Variants in ZNF430 observed in about 807,000 individuals in gnomAD.
ZNF430 encodes zinc finger protein 430.
In ZNF430, 35 loss-of-function variants were observed where a neutral mutation model predicts 56.7. The observed-to-expected ratio is 0.62, with a 90% CI of 0.47 to 0.82. The LOEUF is 0.82. Ranked by LOEUF, ZNF430 falls within the 40% of genes least tolerant of loss-of-function variation. The pLI, the probability that ZNF430 is intolerant of heterozygous loss-of-function variation, is 0.00. For missense variants in ZNF430, 574 were observed against 661.0 expected (o/e 0.87, Z 1.44); for synonymous variants, 212 against 224.3 (o/e 0.94, Z 0.49).
At chr19:21,048,637 C>T (rs538841979) in intron 4 of ZNF430, among the ~76,000 whole-genome samples, 9 of 152,190 alleles carry the variant, frequency 5.9e-5, no homozygotes, top group African/African-American at 1.9e-4. Context: ...CCACATTCCC[C>T]CCTTTTCTAT....
rs1004070706 is a variant in ZNF430 at position 21,058,161 on chromosome 19, C to G, written c.*140C>G. The G allele has an allele frequency of 3.5e-6, 3 of 846,520 alleles. No homozygotes were observed. The highest frequency in any genetic ancestry group is 1.7e-5 in the African/African-American group (1 of 58,192). 52.4% of individuals were successfully genotyped at this position (846,520 alleles called of 1,614,324 possible). On this transcript the variant is annotated 3_prime_UTR_variant, in exon 5 of 5. Coordinates refer to ENST00000261560, the MANE Select transcript of ZNF430 (RefSeq NM_025189.4). ...AATTCTTACCAGACATAAGATAATT[C>G]TGGCTGGGTGCGGTGGCTCACACCT...
At chr19:21,048,673 G>A (rs1323624600) in intron 4 of ZNF430, among the ~76,000 whole-genome samples, 6 of 152,058 alleles carry the variant, frequency 3.9e-5, no homozygotes, top group Admixed American at 3.3e-4. Context: ...TCGTCATCAT[G>A]GCCCGTTCTC....
At chr19:21,038,669 T>TC (rs369902930) in intron 4 of ZNF430, among the ~76,000 whole-genome samples, 24 of 152,044 alleles carry the variant, frequency 1.6e-4, no homozygotes, top group South Asian at 4.2e-4. Context: ...GCTCAGGTGA[T>TC]CCCCCACCCT....
intron 2 of ZNF430, among the ~76,000 whole-genome samples, chr19:21,032,140 T>G (rs1480049766): frequency 6.6e-6 from 1 of 151,618 alleles, no homozygotes; most frequent in Non-Finnish European, 1.5e-5. Flanking sequence ...TTTCATCTGT[T>G]TTCTCTATTA....
chr19:21,057,670 G>A lies in ZNF430; in HGVS notation c.1362G>A (p.Glu454=), dbSNP rs1479217093. 1.9e-6 allele frequency: 3 copies of A among 1,611,388 alleles called. No homozygotes were observed. The highest frequency in any genetic ancestry group is 2.2e-5 in the East Asian group (1 of 44,744). Residue 454 remains glutamate, a synonymous_variant, in exon 5 of 5, where the codon GAG becomes GAA. Transcript: ENST00000261560. ...CACATAAGATAATTCATACTGGAGA[G>A]AAACCCTACAAATGTGAAGAATGTG... is the stretch of plus-strand genomic sequence containing the variant. The part of the protein sequence containing the change: ...LTAHKIIHTG[E]KPYKCEECGK...
intron 3 of ZNF430, 49 bp from the exon 4 acceptor site, chr19:21,034,037 G>A (rs1967949602): frequency 1.4e-6 from 2 of 1,433,814 alleles, no homozygotes; most frequent in African/African-American, 1.4e-5. Context: ...GTACTAGGTT[G>A]GTAACTGAAG....
chr19:21,030,232 C>T (rs938828471), intron 2 of ZNF430, among the ~76,000 whole-genome samples: 7 of 152,112 alleles, frequency 4.6e-5, no homozygotes, highest in Non-Finnish European at 1.0e-4. Context: ...CTACATTAAA[C>T]TTTTTCTATG....
At chr19:21,048,439 G>A (rs899031875) in intron 4 of ZNF430, among the ~76,000 whole-genome samples, 5 of 151,646 alleles carry the variant, frequency 3.3e-5, no homozygotes, top group South Asian at 2.1e-4. Context: ...ATCTTGCACC[G>A]CCCTTAATCC....
chr19:21,057,010 A>C lies in ZNF430; in HGVS notation c.702A>C (p.Gln234His). The C allele has an allele frequency of 6.2e-7, 1 of 1,614,048 alleles. No individual in the cohort carries two copies. The highest frequency in any genetic ancestry group is 8.5e-7 in the Non-Finnish European group (1 of 1,179,986). Reference protein sequence around the residue: ...KRIHIRENSYQCEECGKVFNW... With the variant: ...KRIHIRENSYHCEECGKVFNW... ...TTCATATTAGGGAAAATTCTTACCA[A>C]TGTGAAGAATGTGGTAAAGTCTTTA... Residue 234 changes from glutamine to histidine, a missense_variant, in exon 5 of 5, where the codon CAA becomes CAC. Transcript: ENST00000261560.
rs564658317 is a variant in ZNF430 at position 21,022,886 on chromosome 19, C to A, written c.96+5C>A. 2 of 1,605,116 alleles carry A rather than the reference C, an allele frequency of 1.2e-6. No individual in the cohort carries two copies. Among genetic ancestry groups the A allele is most frequent in the South Asian group, 1.1e-5 (1 of 90,894 alleles). ...GTGTACTCTTTTTATGAAAAGGTAA[C>A]CCCTTGAGATGTTAAAATTGTCTTC... is the stretch of plus-strand genomic sequence containing the variant. On this transcript the variant is annotated splice_donor_5th_base_variant and intron_variant, in intron 2 of 4. Transcript: ENST00000261560.
chr19:21,039,447 C>CTATTTATT (rs71174789), intron 4 of ZNF430, among the ~76,000 whole-genome samples: 21,625 of 128,876 alleles, frequency 0.17, 2,030 homozygotes, highest in South Asian at 0.27. Context: ...TTTACTTTTG[C>CTATTTATT]TATTTATTTA....
chr19:21,046,648 G>A (rs909100595), intron 4 of ZNF430, among the ~76,000 whole-genome samples: 1 of 152,160 alleles, frequency 6.6e-6, no homozygotes, highest in African/African-American at 2.4e-5. Flanking sequence ...CTTTAAGAAT[G>A]TTGAGTAGTG....
chr19:21,055,530 C>T (rs1968360109), intron 4 of ZNF430, among the ~76,000 whole-genome samples: 1 of 151,766 alleles, frequency 6.6e-6, no homozygotes, highest in Non-Finnish European at 1.5e-5. Context: ...CTCACTGCAC[C>T]CTCCGCCACC....
At chr19:21,050,719 A>T (rs547225742) in intron 4 of ZNF430, among the ~76,000 whole-genome samples, 1 of 152,192 alleles carries the variant, frequency 6.6e-6, no homozygotes, top group African/African-American at 2.4e-5. Flanking sequence ...AAAATTTATT[A>T]TCAAACATTT....
At chr19:21,025,948 A>T in intron 2 of ZNF430, 3 of 419,812 alleles carry the variant, frequency 7.1e-6, no homozygotes, top group Non-Finnish European at 1.3e-5. Flanking sequence ...CATTGAGAAC[A>T]GAGTGATCCA....
chr19:21,023,403 G>A (rs1413308622), intron 2 of ZNF430, among the ~76,000 whole-genome samples: 1 of 152,076 alleles, frequency 6.6e-6, no homozygotes. Context: ...CTATTAGTAG[G>A]GCTTGAAAGG....
At chr19:21,026,343 C>T (rs1967796218) in intron 2 of ZNF430, among the ~76,000 whole-genome samples, 2 of 152,096 alleles carry the variant, frequency 1.3e-5, no homozygotes, top group Admixed American at 1.3e-4. Flanking sequence ...CGCACGCCAC[C>T]ACGCCTGGCC....
Position 21,058,002 on chromosome 19 carries a change from G to C in ZNF430, c.1694G>C (p.Arg565Thr), listed in dbSNP as rs369894291. 3.7e-6 allele frequency: 6 copies of C among 1,611,816 alleles called. No homozygotes were observed. In the African/African-American group the frequency reaches 8.0e-5, roughly 22 times the overall value. ...NLIEQSNSYW[R>T]ETLQM ...ATTGAACAAAGTAATTCATACTGGA[G>C]AGAAACCCTACAAATGTGAAGATTG... The change falls in exon 5 of 5, where the codon AGA (arginine) becomes ACA (threonine). Residue 565 changes from arginine to threonine, a missense_variant. By Grantham distance (71) the Arg-to-Thr change is moderately conservative. Transcript: ENST00000261560.
At chr19:21,054,381 T>C (rs1455569277) in intron 4 of ZNF430, among the ~76,000 whole-genome samples, 1 of 151,956 alleles carries the variant, frequency 6.6e-6, no homozygotes, top group Non-Finnish European at 1.5e-5. Context: ...AAGGTTTTTT[T>C]TTTTTATTTA....
Sources: allele counts gnomAD v4.1 joint callset (sites outside exome capture counted in the v4.1 genomes callset), GRCh38; gene constraint gnomAD v4.1.1; transcripts MANE v1.5; gene names NCBI Gene and HGNC (gene_info 2026-07-23, HGNC 2026-07-21).